The following SNF8 variants were observed in gnomAD, a reference collection of about 807,000 sequenced individuals.
SNF8 encodes the protein vacuolar-sorting protein SNF8.
A neutral mutation model predicts 36.8 loss-of-function variants in SNF8; 19 were observed. The ratio of observed to expected loss-of-function variants is 0.52; its 90% confidence interval spans 0.36 to 0.76. The LOEUF (loss-of-function observed/expected upper bound fraction) is 0.76. Ranked by LOEUF, SNF8 falls within the 30% of genes least tolerant of loss-of-function variation. SNF8 has a pLI of 0.00. For missense variants in SNF8, 268 were observed against 322.9 expected (o/e 0.83, Z 1.30); for synonymous variants, 127 against 127.4 (o/e 1.00, Z 0.02).
At chr17:48,933,697 CTG>C (rs1311897849) in intron 5 of SNF8, 1 of 220,632 alleles carries the variant, frequency 4.5e-6, no homozygotes, top group African/African-American at 2.3e-5. Context: ...TTGTGCACCA[CTG>C]TACTCCAGCC....
intron 5 of SNF8, 55 bp from the exon 6 acceptor site, chr17:48,933,401 C>CA (rs2040888866): frequency 6.2e-7 from 1 of 1,602,134 alleles, no homozygotes; most frequent in African/African-American, 1.3e-5. Flanking sequence ...CCTAACAACA[C>CA]AGTTTCAGCT....
At chr17:48,933,382 A>G (rs1228093065) in intron 5 of SNF8, 36 bp from the exon 6 acceptor site, 3 of 1,613,144 alleles carry the variant, frequency 1.9e-6, no homozygotes, top group East Asian at 2.2e-5. Context: ...GACCCTTGGC[A>G]GAATCAGACC....
In SNF8 at chr17:48,937,013, C is replaced by A; in HGVS notation, c.349+7G>T. 2.5e-6 allele frequency: 4 copies of A among 1,604,388 alleles called. No homozygotes were observed. Among genetic ancestry groups the A allele is most frequent in the Non-Finnish European group, 3.4e-6 (4 of 1,171,140 alleles). On this transcript the variant is annotated splice_region_variant and intron_variant, in intron 4 of 7. Coordinates refer to ENST00000502492, the MANE Select transcript of SNF8 (RefSeq NM_007241.4). ...GAGTCCAGTTCACAGGACCTAGCCA[C>A]CCTCACCTCCATTCCGATGCTTCAG... is the stretch of plus-strand genomic sequence containing the variant.
At chr17:48,938,380 CA>C (rs1450657514) in intron 3 of SNF8, among the ~76,000 whole-genome samples, 1 of 151,212 alleles carries the variant, frequency 6.6e-6, no homozygotes, top group Non-Finnish European at 1.5e-5. Flanking sequence ...CCTGTAATCC[CA>C]ACTACTTGGG....
rs2040837911 is a variant in SNF8 at position 48,930,299 on chromosome 17, C to T, written c.*176G>A. ...AATCAGATTATGCTTACTGAACGAG[C>T]GAGGTTTTCCTCCAATAAAAATGCA... On this transcript the variant is annotated 3_prime_UTR_variant, in exon 8 of 8. Coordinates refer to ENST00000502492, the MANE Select transcript of SNF8 (RefSeq NM_007241.4). 3.3e-6 allele frequency: 2 copies of T among 607,466 alleles called. No individual in the cohort carries two copies. The highest frequency in any genetic ancestry group is 3.2e-5 in the Admixed American group (1 of 31,168). The allele number at this position is 607,466 out of a possible 1,614,324, so 37.6% of individuals were successfully genotyped here. A position where few individuals can be genotyped will look rare whatever the true frequency, so the allele number is the denominator to read the frequency against.
At chr17:48,938,747 T>C (rs896046447) in intron 3 of SNF8, among the ~76,000 whole-genome samples, 1 of 150,416 alleles carries the variant, frequency 6.6e-6, no homozygotes, top group Non-Finnish European at 1.5e-5. Flanking sequence ...CACATGCCTA[T>C]AGTCCCAGCT....
At position 48,929,487 on chromosome 17, in the gene SNF8, G is replaced by A. The variant is rs1409785170; in HGVS notation, c.*988C>T. On this transcript the variant is annotated 3_prime_UTR_variant, in exon 8 of 8. Transcript: ENST00000502492. ...AGCCTTTAGACCATAAGGACTTTGG[G>A]AGCCTTAAACAACTCTGGCCTCTTC... 1 of 152,074 alleles carries A rather than the reference G, an allele frequency of 6.6e-6. No individual in the cohort carries two copies. The highest frequency in any genetic ancestry group is 1.5e-5 in the Non-Finnish European group (1 of 68,024). The allele number at this position is 152,074 out of a possible 1,614,324, so 9.4% of individuals were successfully genotyped here.
chr17:48,940,087 A>AAG (rs1290243516), intron 3 of SNF8, among the ~76,000 whole-genome samples: 1 of 150,930 alleles, frequency 6.6e-6, no homozygotes, highest in Non-Finnish European at 1.5e-5. Flanking sequence ...AAAAAAAAAA[A>AAG]AAAAAATTTT....
chr17:48,943,372 A>AGGCC (rs1240661022), intron 2 of SNF8, among the ~76,000 whole-genome samples: 4 of 152,308 alleles, frequency 2.6e-5, no homozygotes, highest in Middle Eastern at 3.4e-3. Flanking sequence ...GCACTCTGGG[A>AGGCC]AGCCAAGGTG....
chr17:48,942,484 T>C (rs532682071), intron 2 of SNF8, among the ~76,000 whole-genome samples: 11 of 152,270 alleles, frequency 7.2e-5, no homozygotes, highest in Admixed American at 5.2e-4. Flanking sequence ...ATTTTCCTGC[T>C]TAACGGCTTC....
intron 5 of SNF8, 122 bp from the exon 6 acceptor site, chr17:48,933,468 A>C: frequency 8.9e-7 from 1 of 1,117,334 alleles, no homozygotes; most frequent in Non-Finnish European, 1.3e-6. Context: ...TGCCAGGCGC[A>C]ATGGCTCATA....
chr17:48,929,606 C>T lies in SNF8; in HGVS notation c.*869G>A, dbSNP rs2040827173. ...GACCACGTGTGTAGAAAAATGTCTA[C>T]ACACAGTATGTGCTGCCATTCTGTA... On this transcript the variant is annotated 3_prime_UTR_variant, in exon 8 of 8. Coordinates refer to ENST00000502492, the MANE Select transcript of SNF8 (RefSeq NM_007241.4). The T allele has an allele frequency of 1.3e-5, 2 of 152,194 alleles. No homozygotes were observed. The highest frequency in any genetic ancestry group is 4.1e-4 in the South Asian group (2 of 4,834). The allele number at this position is 152,194 out of a possible 1,614,324, so 9.4% of individuals were successfully genotyped here.
intron 5 of SNF8, 99 bp from the exon 6 acceptor site, chr17:48,933,445 A>G: frequency 7.3e-7 from 1 of 1,367,546 alleles, no homozygotes; most frequent in Non-Finnish European, 1.0e-6. Context: ...GAAAATTTAG[A>G]AGACTGCACA....
chr17:48,931,136 G>T (rs2040851779), intron 7 of SNF8, among the ~76,000 whole-genome samples: 1 of 152,150 alleles, frequency 6.6e-6, no homozygotes. Context: ...GGTTTAGACA[G>T]TTGAATTGTT....
At position 48,929,771 on chromosome 17, in the gene SNF8, TTAAG is replaced by T. The variant is rs1274404164; in HGVS notation, c.*700_*703del. 1.3e-5 allele frequency: 2 copies of T among 152,124 alleles called. No individual in the cohort carries two copies. Among genetic ancestry groups the T allele is most frequent in the Non-Finnish European group, 2.9e-5 (2 of 68,028 alleles). The allele number at this position is 152,124 out of a possible 1,614,324, so 9.4% of individuals were successfully genotyped here. On this transcript the variant is annotated 3_prime_UTR_variant, in exon 8 of 8. Coordinates refer to ENST00000502492, the MANE Select transcript of SNF8 (RefSeq NM_007241.4). ...TTGAAGGCTGCCTACTTGGTGAAAT[TTAAG>T]TGAGCTGTATGTAAAATGGCACAGG...
At chr17:48,934,847 A>C (rs2040911789) in intron 5 of SNF8, among the ~76,000 whole-genome samples, 1 of 152,070 alleles carries the variant, frequency 6.6e-6, no homozygotes, top group Admixed American at 6.6e-5. Context: ...AAGCTATTGC[A>C]CCCAGCCTCG....
At chr17:48,930,749 C>T (rs983460876) in intron 7 of SNF8, 137 bp from the exon 8 acceptor site, 4 of 870,972 alleles carry the variant, frequency 4.6e-6, no homozygotes, top group Non-Finnish European at 6.8e-6. Context: ...CAAACCTTTA[C>T]ACAACCAACT....
intron 1 of SNF8, 183 bp from the exon 2 acceptor site, chr17:48,944,158 C>T: frequency 1.9e-6 from 1 of 535,380 alleles, no homozygotes; most frequent in South Asian, 2.0e-5. Flanking sequence ...AAAAAATAGC[C>T]GGACGTGGTG....
chr17:48,936,804 G>A, intron 4 of SNF8: 1 of 589,254 alleles, frequency 1.7e-6, no homozygotes, highest in East Asian at 2.8e-5. Flanking sequence ...AGACCTTCCT[G>A]GCCAAAGATC....
Sources: gnomAD v4.1 joint callset for allele counts (sites outside exome capture counted in the v4.1 genomes callset) on GRCh38, gnomAD v4.1.1 for gene constraint, MANE v1.5 for transcripts, NCBI Gene and HGNC (gene_info 2026-07-23, HGNC 2026-07-21) for gene names.